The following CPED1 variants were observed in gnomAD, a reference collection of about 807,000 sequenced individuals.
The protein encoded by CPED1 is cadherin-like and PC-esterase domain-containing protein 1.
CPED1 carries 114 observed loss-of-function variants against 128.2 expected under a neutral mutation model. That is an observed-to-expected ratio of 0.89 (90% CI 0.76 to 1.04). The LOEUF is 1.04. Ranked by LOEUF, CPED1 falls within the 50% of genes least tolerant of loss-of-function variation. The pLI, the probability that CPED1 is intolerant of heterozygous loss-of-function variation, is 0.00. For synonymous variants in CPED1, 462 were observed against 426.7 expected, an observed-to-expected ratio of 1.08 and a Z score of -1.02; for missense variants, 1,211 against 1,207.1, an observed-to-expected ratio of 1.00 and a Z score of -0.05.
At chr7:121,235,136 T>C (rs886467527) in intron 16 of CPED1, among the ~76,000 whole-genome samples, 21 of 152,232 alleles carry the variant, frequency 1.4e-4, no homozygotes, top group African/African-American at 5.1e-4. Flanking sequence ...CACTTTTTTC[T>C]GGCCTTATAA....
At chr7:121,210,851 G>A (rs1797625772) in intron 16 of CPED1, among the ~76,000 whole-genome samples, 1 of 151,946 alleles carries the variant, frequency 6.6e-6, no homozygotes, top group South Asian at 2.1e-4. Flanking sequence ...TACTCAAAGT[G>A]ATGGAAACCC....
chr7:121,176,947 C>G (rs148410337), intron 16 of CPED1, among the ~76,000 whole-genome samples: 1 of 152,020 alleles, frequency 6.6e-6, no homozygotes, highest in African/African-American at 2.4e-5. Flanking sequence ...TTGTTGATAG[C>G]TTTAAAGTAA....
intron 17 of CPED1, among the ~76,000 whole-genome samples, chr7:121,242,283 C>A (rs1014009509): frequency 6.6e-6 from 1 of 152,186 alleles, no homozygotes; most frequent in Admixed American, 6.5e-5. Flanking sequence ...GACTGCCCTG[C>A]TCAAATCCTA....
intron 7 of CPED1, among the ~76,000 whole-genome samples, chr7:121,117,521 A>T (rs1446146834): frequency 6.6e-6 from 1 of 151,930 alleles, no homozygotes; most frequent in Non-Finnish European, 1.5e-5. Context: ...TCTATTGTTA[A>T]AAATCTGATT....
At chr7:121,186,009 A>ATAT (rs1796993151) in intron 16 of CPED1, among the ~76,000 whole-genome samples, 1 of 152,190 alleles carries the variant, frequency 6.6e-6, no homozygotes, top group African/African-American at 2.4e-5. Context: ...AACAAACTGG[A>ATAT]TATAATACTA....
chr7:121,213,337 A>C (rs1284327223), intron 16 of CPED1, among the ~76,000 whole-genome samples: 1 of 152,032 alleles, frequency 6.6e-6, no homozygotes, highest in African/African-American at 2.4e-5. Flanking sequence ...ATTGAATAAG[A>C]ATGATAATAT....
chr7:121,178,054 T>A (rs2116489432), intron 16 of CPED1, among the ~76,000 whole-genome samples: 1 of 152,152 alleles, frequency 6.6e-6, no homozygotes, highest in East Asian at 1.9e-4. Context: ...GAGGAGGGGC[T>A]CTTGAATCCA....
intron 16 of CPED1, among the ~76,000 whole-genome samples, chr7:121,225,929 C>T (rs1408277862): frequency 6.6e-6 from 1 of 152,000 alleles, no homozygotes; most frequent in Non-Finnish European, 1.5e-5. Context: ...TGAACATGCT[C>T]CTTTAGCTTA....
At chr7:121,043,959 C>G (rs1371577819) in intron 3 of CPED1, among the ~76,000 whole-genome samples, 1 of 152,144 alleles carries the variant, frequency 6.6e-6, no homozygotes, top group Non-Finnish European at 1.5e-5. Flanking sequence ...AATGCTCATG[C>G]TTTCAGCTGT....
chr7:121,127,695 C>A (rs1279601637), intron 10 of CPED1, among the ~76,000 whole-genome samples: 9 of 151,746 alleles, frequency 5.9e-5, no homozygotes, highest in Non-Finnish European at 1.5e-5. Context: ...ACCACCAAAC[C>A]CAGCTAATTT....
At chr7:121,121,381 A>C (rs114011629) in intron 7 of CPED1, among the ~76,000 whole-genome samples, 1 of 152,204 alleles carries the variant, frequency 6.6e-6, no homozygotes, top group African/African-American at 2.4e-5. Flanking sequence ...AATTTTACAC[A>C]GGTACAAACA....
rs58884492 is a variant in CPED1, at chr7:121,044,650, C to CTTTTTT, written c.434-2223_434-2218dup. ...TTGCTGAGAGCAGTGACTTTCTGCT[C>CTTTTTT]TTTTTTTTTTTTTTTTTTTGCTATT... On this transcript the variant is annotated intron_variant, in intron 3 of 22. Transcript: ENST00000310396. Among the ~76,000 whole-genome samples, 3 of 106,038 alleles carry CTTTTTT rather than the reference C, an allele frequency of 2.8e-5. 1 individual carries two copies. The highest frequency in any genetic ancestry group is 1.8e-5 in the Non-Finnish European group (1 of 54,464). 69.6% of individuals were successfully genotyped at this position (106,038 alleles called of 152,430 possible). A position where few individuals can be genotyped will look rare whatever the true frequency, so the allele number is the denominator to read the frequency against.
chr7:121,221,794 C>T (rs1164053851), intron 16 of CPED1, among the ~76,000 whole-genome samples: 1 of 151,976 alleles, frequency 6.6e-6, no homozygotes, highest in African/African-American at 2.4e-5. Flanking sequence ...ATCTTTTGCC[C>T]ACTTTTTGAT....
intron 13 of CPED1, among the ~76,000 whole-genome samples, chr7:121,135,118 G>A (rs1449275803): frequency 1.3e-5 from 2 of 151,496 alleles, no homozygotes; most frequent in Admixed American, 6.6e-5. Context: ...CTACCTCACC[G>A]TGAAGCTCAG....
intron 10 of CPED1, among the ~76,000 whole-genome samples, chr7:121,127,826 T>A (rs1795545203): frequency 6.6e-6 from 1 of 152,134 alleles, no homozygotes; most frequent in Non-Finnish European, 1.5e-5. Context: ...TTTGTGGATA[T>A]TATGAATAAT....
chr7:121,185,482 C>A (rs1796982776), intron 16 of CPED1, among the ~76,000 whole-genome samples: 1 of 151,934 alleles, frequency 6.6e-6, no homozygotes, highest in South Asian at 2.1e-4. Context: ...AATAAATGCA[C>A]AATATACAAA....
Position 121,127,127 on chromosome 7 carries a change from T to C in CPED1, c.1172T>C (p.Met391Thr), listed in dbSNP as rs200920325. 2.5e-6 allele frequency: 4 copies of C among 1,602,610 alleles called. No homozygotes were observed. Among genetic ancestry groups the C allele is most frequent in the Non-Finnish European group, 3.4e-6 (4 of 1,174,490 alleles). ...EHLNFQDYDN[M>T]DFEDQNTEEF... The stretch of plus-strand genomic sequence containing the variant: ...TTAAATTTTCAAGATTATGATAATA[T>C]GGATTTTGAGGACCAAAATACAGAA... The change falls in exon 10 of 23, where the codon ATG becomes ACG. Residue 391 changes from methionine to threonine, a missense_variant. Met to Thr is a moderately conservative substitution (Grantham distance 81). Transcript: ENST00000310396.
chr7:121,117,006 A>AC (rs1795256319), intron 7 of CPED1, among the ~76,000 whole-genome samples: 1 of 148,064 alleles, frequency 6.8e-6, no homozygotes, highest in Non-Finnish European at 1.5e-5. Context: ...ATATACACAC[A>AC]CACATATATA....
intron 16 of CPED1, among the ~76,000 whole-genome samples, chr7:121,233,477 A>T (rs1798182921): frequency 6.6e-6 from 1 of 152,014 alleles, no homozygotes; most frequent in Admixed American, 6.6e-5. Context: ...TGAGCCTGGG[A>T]GTTTGAAGCT....
Sources: allele counts gnomAD v4.1 joint callset (sites outside exome capture counted in the v4.1 genomes callset), GRCh38; gene constraint gnomAD v4.1.1; transcripts MANE v1.5; gene names NCBI Gene and HGNC (gene_info 2026-07-23, HGNC 2026-07-21).